Variants in PPM1H observed in about 807,000 individuals in gnomAD.
The protein encoded by PPM1H is protein phosphatase 1H.
Under a neutral mutation model 54.9 loss-of-function variants are expected in PPM1H, and 27 were observed. The ratio of observed to expected loss-of-function variants is 0.49; its 90% confidence interval spans 0.36 to 0.68. The LOEUF is 0.68. PPM1H is among the 30% of genes least tolerant of loss of function. The pLI is 0.00. For missense variants in PPM1H, 596 were observed against 667.8 expected (o/e 0.89, Z 1.19); for synonymous variants, 305 against 270.8 (o/e 1.13, Z -1.24).
At chr12:62,720,947 C>T (rs1312960487) in intron 5 of PPM1H, 1 of 152,458 alleles carries the variant, frequency 6.6e-6, no homozygotes, top group Admixed American at 6.5e-5. Flanking sequence ...ATTCAAAATT[C>T]AAATCTAGCA....
chr12:62,904,241 AT>A (rs888648209), intron 1 of PPM1H, among the ~76,000 whole-genome samples: 41 of 148,906 alleles, frequency 2.8e-4, no homozygotes, highest in East Asian at 2.0e-3. Context: ...TTCTTCATAA[AT>A]TTTTTTTTTT....
chr12:62,835,578 T>G (rs1868478691), intron 1 of PPM1H, among the ~76,000 whole-genome samples: 1 of 152,218 alleles, frequency 6.6e-6, no homozygotes, highest in South Asian at 2.1e-4. Context: ...ATAGCACTAA[T>G]GAAGTATCAG....
At chr12:62,702,580 G>GAGAA (rs1213370352) in intron 6 of PPM1H, among the ~76,000 whole-genome samples, 3 of 151,734 alleles carry the variant, frequency 2.0e-5, no homozygotes, top group African/African-American at 7.3e-5. Flanking sequence ...GAGAGAGAGA[G>GAGAA]AAATACCACT....
chr12:62,904,559 G>C lies in PPM1H; in HGVS notation c.245+29933C>G, dbSNP rs1436926953. Among the ~76,000 whole-genome samples, 10 of 152,248 alleles carry C rather than the reference G, an allele frequency of 6.6e-5. No individual in the cohort carries two copies. In the East Asian group the frequency reaches 1.9e-3, roughly 29 times the overall value. ...TTCATGGGCCCTTCTAAGAAACGAA[G>C]AAACTGACCAGTAGACAGAACGGTG... On this transcript the variant is annotated intron_variant, in intron 1 of 9. Transcript: ENST00000228705.
At chr12:62,921,641 C>A (rs1871803554) in intron 1 of PPM1H, among the ~76,000 whole-genome samples, 1 of 152,196 alleles carries the variant, frequency 6.6e-6, no homozygotes, top group African/African-American at 2.4e-5. Context: ...GACTCTGAAG[C>A]AAGTGTGGTG....
intron 1 of PPM1H, among the ~76,000 whole-genome samples, chr12:62,894,803 G>A (rs1870924633): frequency 6.6e-6 from 1 of 152,196 alleles, no homozygotes; most frequent in Non-Finnish European, 1.5e-5. Context: ...AGGCCAAAGA[G>A]GAAGGCTCAA....
At chr12:62,718,476 A>G (rs995907502) in intron 6 of PPM1H, among the ~76,000 whole-genome samples, 2 of 152,154 alleles carry the variant, frequency 1.3e-5, no homozygotes, top group African/African-American at 4.8e-5. Context: ...TCTCAGGAAT[A>G]TATAAGAGCA....
At chr12:62,668,628 C>T (rs2075935054) in intron 8 of PPM1H, among the ~76,000 whole-genome samples, 1 of 152,200 alleles carries the variant, frequency 6.6e-6, no homozygotes, top group Non-Finnish European at 1.5e-5. Context: ...CCGCCTGCTT[C>T]AGCCTCCCAA....
intron 4 of PPM1H, among the ~76,000 whole-genome samples, chr12:62,748,452 C>T (rs2076424442): frequency 6.6e-6 from 1 of 151,836 alleles, no homozygotes; most frequent in Non-Finnish European, 1.5e-5. Flanking sequence ...TCATTCCCAT[C>T]TTTAATTCCT....
chr12:62,909,357 A>G (rs1407638652), intron 1 of PPM1H, among the ~76,000 whole-genome samples: 2 of 151,796 alleles, frequency 1.3e-5, no homozygotes, highest in Non-Finnish European at 2.9e-5. Context: ...TCTGCGCAAA[A>G]TCTCCCACTG....
rs796683611 is a variant in PPM1H, at chr12:62,648,243, A to T, written c.*246T>A. 43 of 457,984 alleles carry T rather than the reference A, an allele frequency of 9.4e-5. No individual in the cohort carries two copies. Among genetic ancestry groups the T allele is most frequent in the African/African-American group, 7.6e-4 (39 of 51,632 alleles). The allele number at this position is 457,984 out of a possible 1,614,324, so 28.4% of individuals were successfully genotyped here. On this transcript the variant is annotated 3_prime_UTR_variant, in exon 10 of 10. Transcript: ENST00000228705. ...GGCCACCTCGGAGGCCTATGAAAGG[A>T]ACTGAAATACAACAACACTTGGTAG...
chr12:62,833,671 C>T (rs1469515748), intron 1 of PPM1H, among the ~76,000 whole-genome samples: 2 of 152,158 alleles, frequency 1.3e-5, no homozygotes, highest in South Asian at 2.1e-4. Flanking sequence ...AAGATGTAAG[C>T]GAGCGTGTTT....
At chr12:62,702,026 A>G (rs896022817) in intron 6 of PPM1H, among the ~76,000 whole-genome samples, 1 of 152,240 alleles carries the variant, frequency 6.6e-6, no homozygotes, top group Non-Finnish European at 1.5e-5. Context: ...ATGAATGAAC[A>G]AAGGCTGGTA....
intron 6 of PPM1H, among the ~76,000 whole-genome samples, chr12:62,707,437 A>T (rs2076182098): frequency 6.6e-6 from 1 of 152,228 alleles, no homozygotes; most frequent in South Asian, 2.1e-4. Flanking sequence ...CCCAGGAGTC[A>T]CAATACTTTG....
intron 3 of PPM1H, among the ~76,000 whole-genome samples, chr12:62,796,375 C>A (rs1217581164): frequency 6.6e-6 from 1 of 152,146 alleles, no homozygotes; most frequent in African/African-American, 2.4e-5. Context: ...AGTCGCAAGC[C>A]CCAGGTTGGT....
At chr12:62,721,049 T>A (rs1235016312) in intron 5 of PPM1H, 1 of 152,312 alleles carries the variant, frequency 6.6e-6, no homozygotes, top group Non-Finnish European at 1.5e-5. Context: ...CACATGAAGC[T>A]GTCTACCTGC....
intron 4 of PPM1H, among the ~76,000 whole-genome samples, chr12:62,780,792 C>G (rs796545570): frequency 6.6e-6 from 1 of 151,760 alleles, no homozygotes; most frequent in Non-Finnish European, 1.5e-5. Flanking sequence ...CTGGTGTGGG[C>G]TCGAGTGGGC....
At chr12:62,747,250 C>A (rs1166596209) in intron 4 of PPM1H, among the ~76,000 whole-genome samples, 1 of 152,062 alleles carries the variant, frequency 6.6e-6, no homozygotes, top group Non-Finnish European at 1.5e-5. Flanking sequence ...GATTCTCCTG[C>A]CTCAGCCTCC....
At chr12:62,871,293 AC>A (rs1023971418) in intron 1 of PPM1H, among the ~76,000 whole-genome samples, 33 of 152,096 alleles carry the variant, frequency 2.2e-4, no homozygotes, top group East Asian at 1.4e-3. Flanking sequence ...GACAAAAAAA[AC>A]GATGTTATAT....
Sources: gnomAD v4.1 joint callset for allele counts (sites outside exome capture counted in the v4.1 genomes callset) on GRCh38, gnomAD v4.1.1 for gene constraint, MANE v1.5 for transcripts, NCBI Gene and HGNC (gene_info 2026-07-23, HGNC 2026-07-21) for gene names.